AIG1: variants seen among roughly 807,000 people sequenced by gnomAD.
AIG1 encodes androgen induced 1.
A neutral mutation model predicts 31.4 loss-of-function variants in AIG1; 23 were observed. The observed-to-expected ratio is 0.73, with a 90% CI of 0.53 to 1.04. AIG1 has a LOEUF of 1.04. Ranked by LOEUF, AIG1 falls within the 50% of genes least tolerant of loss-of-function variation. The pLI is 0.00. For missense variants in AIG1, 274 were observed against 295.0 expected, an observed-to-expected ratio of 0.93 and a Z score of 0.52; for synonymous variants, 100 against 110.5, an observed-to-expected ratio of 0.90 and a Z score of 0.60.
At position 143,288,897 on chromosome 6, in the gene AIG1, T is replaced by A. The variant is rs565094013; in HGVS notation, c.515+4672T>A. Among the ~76,000 whole-genome samples the A allele has an allele frequency of 3.9e-5, 6 of 152,308 alleles. No homozygotes were observed. In the East Asian group the frequency reaches 9.6e-4, roughly 24 times the overall value. ...CAAAGAAGTAGTGGGTGGTTACAAG[T>A]CATAGGTGAATTCAAAGATTTCTGT... On this transcript the variant is annotated intron_variant, in intron 4 of 5. Coordinates refer to ENST00000357847, the MANE Select transcript of AIG1 (RefSeq NM_016108.4). This position sits in a 1 kb window ranked among gnomAD's most constrained non-coding sequence, Gnocchi z 4.4.
chr6:143,278,246 G>GTACAAC (rs1797082296), intron 3 of AIG1, among the ~76,000 whole-genome samples: 1 of 152,080 alleles, frequency 6.6e-6, no homozygotes, highest in Non-Finnish European at 1.5e-5. Flanking sequence ...TAGTTAGAAG[G>GTACAAC]TACAACTACA....
At chr6:143,164,064 GTGGTATTAAACTA>G (rs1786683038) in intron 2 of AIG1, among the ~76,000 whole-genome samples, 2 of 152,120 alleles carry the variant, frequency 1.3e-5, no homozygotes, top group African/African-American at 4.8e-5. Context: ...CCAATTTGAA[GTGGTATTAAACTA>G]TTTATTATTT....
intron 2 of AIG1, among the ~76,000 whole-genome samples, chr6:143,153,953 T>C (rs1785482121): frequency 6.6e-6 from 1 of 151,304 alleles, no homozygotes; most frequent in South Asian, 2.1e-4. Flanking sequence ...AAAAAATGTT[T>C]AGAGAGGTTG....
intron 1 of AIG1, among the ~76,000 whole-genome samples, chr6:143,090,915 C>A (rs1387366385): frequency 1.3e-4 from 20 of 152,182 alleles, no homozygotes; most frequent in Admixed American, 1.3e-3. Flanking sequence ...GCATTTTACC[C>A]ACAATAGAAC....
At chr6:143,067,611 A>C (rs1776832368) in intron 1 of AIG1, among the ~76,000 whole-genome samples, 1 of 152,242 alleles carries the variant, frequency 6.6e-6, no homozygotes, top group Non-Finnish European at 1.5e-5. Context: ...ATATTTATTT[A>C]CATACTTATC....
rs372060241 is a variant in AIG1, at chr6:143,329,877, A to G, written c.516-3405A>G. On this transcript the variant is annotated intron_variant, in intron 4 of 5. Coordinates refer to ENST00000357847, the MANE Select transcript of AIG1 (RefSeq NM_016108.4). The surrounding 1 kb of genome is among the most constrained non-coding windows in gnomAD (Gnocchi z 4.9). ...TGTCTATGGCTGCTTTTGCACTACA[A>G]TGGCGGAGTTGAGTAGGTGTGATCG... Among the ~76,000 whole-genome samples the G allele has an allele frequency of 2.2e-4, 33 of 152,332 alleles. No homozygotes were observed. The South Asian group carries it at 6.6e-3, about 31-fold the overall frequency.
At chr6:143,321,905 G>T (rs1271600012) in intron 4 of AIG1, among the ~76,000 whole-genome samples, 2 of 152,154 alleles carry the variant, frequency 1.3e-5, no homozygotes, top group East Asian at 3.8e-4. Flanking sequence ...CTGTCACAGG[G>T]CAGGGACCAC....
chr6:143,165,505 C>CA (rs1174549525), intron 3 of AIG1, among the ~76,000 whole-genome samples: 2 of 150,126 alleles, frequency 1.3e-5, no homozygotes, highest in Non-Finnish European at 2.9e-5. Flanking sequence ...GGCTTGTCCT[C>CA]AGAGCCCAAG....
chr6:143,228,780 T>C (rs540513037), intron 3 of AIG1, among the ~76,000 whole-genome samples: 1 of 152,364 alleles, frequency 6.6e-6, no homozygotes, highest in East Asian at 1.9e-4. Flanking sequence ...GTAACCTTCA[T>C]CTGCTCCTTT....
intron 3 of AIG1, chr6:143,187,732 A>G: frequency 6.5e-7 from 1 of 1,535,862 alleles, no homozygotes; most frequent in South Asian, 1.2e-5. Context: ...TGACTAAAGG[A>G]TTGACCTGGT....
intron 3 of AIG1, among the ~76,000 whole-genome samples, chr6:143,257,368 GTTAT>G (rs1795442916): frequency 6.6e-6 from 1 of 152,132 alleles, no homozygotes; most frequent in Non-Finnish European, 1.5e-5. Flanking sequence ...AAAAAAAATT[GTTAT>G]TCAGGGACCT....
intron 1 of AIG1, among the ~76,000 whole-genome samples, chr6:143,082,917 A>G (rs561580524): frequency 1.3e-5 from 2 of 152,360 alleles, no homozygotes; most frequent in Admixed American, 6.5e-5. Context: ...TCAGGTGTCT[A>G]TCTTACTAAA....
intron 1 of AIG1, among the ~76,000 whole-genome samples, chr6:143,100,121 G>A (rs1780121844): frequency 6.6e-6 from 1 of 152,156 alleles, no homozygotes; most frequent in Non-Finnish European, 1.5e-5. Flanking sequence ...TAACCCGTGG[G>A]TCCTGATGCC....
At chr6:143,085,674 T>C (rs559241639) in intron 1 of AIG1, among the ~76,000 whole-genome samples, 1 of 152,364 alleles carries the variant, frequency 6.6e-6, no homozygotes, top group African/African-American at 2.4e-5. Context: ...ATTCCGTAAG[T>C]ACTTTGAGGC....
intron 4 of AIG1, among the ~76,000 whole-genome samples, chr6:143,309,197 C>A (rs944802185): frequency 6.6e-6 from 1 of 151,802 alleles, no homozygotes; most frequent in African/African-American, 2.4e-5. Context: ...AATTATCTTT[C>A]AAAAGTAAAG....
chr6:143,305,539 G>A (rs1475452025), intron 4 of AIG1, among the ~76,000 whole-genome samples: 2 of 152,174 alleles, frequency 1.3e-5, no homozygotes, highest in Admixed American at 1.3e-4. Flanking sequence ...GTGATTTTGA[G>A]TGAGTTTCTT....
At chr6:143,191,236 T>C (rs1042260345) in intron 3 of AIG1, among the ~76,000 whole-genome samples, 6 of 152,198 alleles carry the variant, frequency 3.9e-5, no homozygotes, top group African/African-American at 1.4e-4. Flanking sequence ...CCTCAGTTTC[T>C]ATTGCAATAA....
intron 1 of AIG1, among the ~76,000 whole-genome samples, chr6:143,074,670 C>T (rs189509546): frequency 1.2e-3 from 185 of 152,144 alleles, no homozygotes; most frequent in Middle Eastern, 6.8e-3. Context: ...TAATGATGTG[C>T]GATGATTTTT....
Position 143,331,317 on chromosome 6 carries a change from C to G in AIG1, c.516-1965C>G, listed in dbSNP as rs561849643. 1.2e-3 allele frequency among the ~76,000 whole-genome samples: 177 copies of G among 152,156 alleles called. No homozygotes were observed. Among genetic ancestry groups the G allele is most frequent in the African/African-American group, 4.0e-3 (168 of 41,496 alleles). On this transcript the variant is annotated intron_variant, in intron 4 of 5. Coordinates refer to ENST00000357847, the MANE Select transcript of AIG1 (RefSeq NM_016108.4). The surrounding 1 kb of genome is among the most constrained non-coding windows in gnomAD (Gnocchi z 4.1). The stretch of plus-strand genomic sequence containing the variant: ...ATACCCAAAATTTTCTCATCATCCC[C>G]CCACATAAACTCTGTTCCCGTTAAA...
Sources: gnomAD v4.1 joint callset for allele counts (sites outside exome capture counted in the v4.1 genomes callset) on GRCh38, gnomAD v4.1.1 for gene constraint, Gnocchi (gnomAD v3.1) non-coding constraint, MANE v1.5 for transcripts, NCBI Gene and HGNC (gene_info 2026-07-23, HGNC 2026-07-21) for gene names.